The following CEP128 variants were observed in gnomAD, a reference collection of about 807,000 sequenced individuals.
CEP128 encodes the protein centrosomal protein 128, also known as centrosomal protein 128kDa.
In CEP128, 132 loss-of-function variants were observed where a neutral mutation model predicts 156.7. The observed-to-expected ratio is 0.84, with a 90% CI of 0.73 to 0.97. CEP128 has a LOEUF of 0.97. Among genes scored for constraint, CEP128 ranks in the 50% least tolerant of loss-of-function variants. CEP128 has a pLI of 0.00. For synonymous variants in CEP128, 469 were observed against 448.9 expected, an observed-to-expected ratio of 1.04 and a Z score of -0.57; for missense variants, 1,252 against 1,281.9, an observed-to-expected ratio of 0.98 and a Z score of 0.36.
intron 8 of CEP128, among the ~76,000 whole-genome samples, chr14:80,877,540 G>GCA (rs1888340045): frequency 6.6e-6 from 1 of 152,048 alleles, no homozygotes; most frequent in Non-Finnish European, 1.5e-5. Flanking sequence ...ACAAGAAAAG[G>GCA]CACACACACA....
At chr14:80,590,441 AG>A (rs551146034) in intron 19 of CEP128, among the ~76,000 whole-genome samples, 159 of 152,256 alleles carry the variant, frequency 1.0e-3, no homozygotes, top group African/African-American at 3.6e-3. Flanking sequence ...CCATTAAAAA[AG>A]TCACATTTTT....
At position 80,646,406 on chromosome 14, in the gene CEP128, T is replaced by C. The variant is rs77226834; in HGVS notation, c.2807-65983A>G. Among the ~76,000 whole-genome samples, 664 of 151,966 alleles carry C rather than the reference T, an allele frequency of 4.4e-3. 14 individuals carry two copies. The highest frequency in any genetic ancestry group is 0.032 in the East Asian group (166 of 5,156). On this transcript the variant is annotated intron_variant, in intron 19 of 24. Transcript: ENST00000555265. ...GTGGAACAACTTGGGAGAAAATGTA[T>C]GCTAGGGAAATACAAAGCTATAAAC...
chr14:80,600,806 A>G (rs10144929), intron 19 of CEP128, among the ~76,000 whole-genome samples: 47,962 of 151,920 alleles, frequency 0.32, 8,785 homozygotes, highest in African/African-American at 0.49. Context: ...AGCAATAATT[A>G]TAAGTCTGAG....
intron 8 of CEP128, chr14:80,894,599 C>T (rs752334245): frequency 4.2e-6 from 2 of 475,332 alleles, no homozygotes; most frequent in African/African-American, 2.0e-5. Flanking sequence ...CATTGCCACA[C>T]ATTAATTGGA....
At chr14:80,534,776 G>T (rs1889404557) in intron 21 of CEP128, among the ~76,000 whole-genome samples, 1 of 124,280 alleles carries the variant, frequency 8.0e-6, no homozygotes, top group African/African-American at 3.2e-5. Flanking sequence ...AGTGAGCCCA[G>T]ATCACACCAC....
intron 19 of CEP128, among the ~76,000 whole-genome samples, chr14:80,738,169 G>T (rs190269706): frequency 2.9e-4 from 44 of 152,192 alleles, no homozygotes; most frequent in African/African-American, 1.0e-3. Context: ...TGGATGACTA[G>T]AAAAGTAAAC....
intron 14 of CEP128, among the ~76,000 whole-genome samples, chr14:80,788,582 T>TAA (rs1901542756): frequency 6.6e-6 from 1 of 152,036 alleles, no homozygotes; most frequent in Non-Finnish European, 1.5e-5. Context: ...ATCCTAAAGT[T>TAA]TTCCTACCAG....
At chr14:80,879,832 TG>T (rs1238117491) in intron 8 of CEP128, among the ~76,000 whole-genome samples, 1 of 111,580 alleles carries the variant, frequency 9.0e-6, no homozygotes, top group Non-Finnish European at 1.9e-5. Context: ...GAAGCTCAAA[TG>T]TTCCCAGATT....
At chr14:80,641,951 G>C (rs149050365) in intron 19 of CEP128, among the ~76,000 whole-genome samples, 1 of 151,822 alleles carries the variant, frequency 6.6e-6, no homozygotes, top group Admixed American at 6.6e-5. Flanking sequence ...TTAGCTGGGC[G>C]TGGTGGCGGG....
chr14:80,881,242 A>G (rs1440917429), intron 8 of CEP128, among the ~76,000 whole-genome samples: 2 of 152,168 alleles, frequency 1.3e-5, no homozygotes, highest in Non-Finnish European at 2.9e-5. Flanking sequence ...TGGAGACATT[A>G]CAACTGCTAC....
chr14:80,935,979 C>T (rs990474063), intron 2 of CEP128, among the ~76,000 whole-genome samples: 1 of 152,184 alleles, frequency 6.6e-6, no homozygotes, highest in Non-Finnish European at 1.5e-5. Flanking sequence ...TACACACAGA[C>T]ATCTCTATTC....
At chr14:80,867,284 T>G (rs1189347729) in intron 8 of CEP128, among the ~76,000 whole-genome samples, 1 of 152,086 alleles carries the variant, frequency 6.6e-6, no homozygotes, top group Non-Finnish European at 1.5e-5. Context: ...AAGGGATGAT[T>G]CATGTGCCAA....
chr14:80,672,108 T>C lies in CEP128; in HGVS notation c.2806+70967A>G, dbSNP rs146694977. ...TTACAGGTTTCTAGGCCTATTTTTC[T>C]TGCAATATCAATAGGACATAAAAGC... On this transcript the variant is annotated intron_variant, in intron 19 of 24. Coordinates refer to ENST00000555265, the MANE Select transcript of CEP128 (RefSeq NM_152446.5). 7.0e-3 allele frequency among the ~76,000 whole-genome samples: 1,063 copies of C among 152,212 alleles called. 11 individuals carry two copies. The highest frequency in any genetic ancestry group is 0.024 in the African/African-American group (1,006 of 41,520).
intron 21 of CEP128, among the ~76,000 whole-genome samples, chr14:80,533,898 C>A (rs541102242): frequency 6.6e-6 from 1 of 152,082 alleles, no homozygotes; most frequent in Non-Finnish European, 1.5e-5. Context: ...AGATGGCATA[C>A]GTCCTGTTCT....
chr14:80,522,577 GCCTTCT>G (rs1888793247), intron 23 of CEP128, among the ~76,000 whole-genome samples: 1 of 152,172 alleles, frequency 6.6e-6, no homozygotes, highest in African/African-American at 2.4e-5. Flanking sequence ...GAATAAACAT[GCCTTCT>G]GCAATTTTAC....
At chr14:80,823,484 A>C (rs575847667) in intron 13 of CEP128, among the ~76,000 whole-genome samples, 7 of 152,326 alleles carry the variant, frequency 4.6e-5, no homozygotes, top group African/African-American at 1.7e-4. Context: ...TTGGCAGTCC[A>C]CTGAAGAAGG....
At chr14:80,557,819 T>A (rs1431701169) in intron 21 of CEP128, among the ~76,000 whole-genome samples, 1 of 152,110 alleles carries the variant, frequency 6.6e-6, no homozygotes, top group Non-Finnish European at 1.5e-5. Flanking sequence ...ATCTAAAGAT[T>A]TTTTTCCTGC....
At chr14:80,506,847 A>G (rs73339001) in intron 23 of CEP128, among the ~76,000 whole-genome samples, 4,156 of 152,164 alleles carry the variant, frequency 0.027, 182 homozygotes, top group African/African-American at 0.095. Flanking sequence ...AAGGGAGATG[A>G]TATAGTTAGG....
At chr14:80,810,323 C>CAAAAAAAAAAA (rs71103883) in intron 13 of CEP128, among the ~76,000 whole-genome samples, 271 of 15,202 alleles carry the variant, frequency 0.018, 68 homozygotes, top group Non-Finnish European at 0.029. Context: ...ACTCCATCTC[C>CAAAAAAAAAAA]AAAAAAAAAA....
Sources: allele counts gnomAD v4.1 joint callset (sites outside exome capture counted in the v4.1 genomes callset), GRCh38; gene constraint gnomAD v4.1.1; transcripts MANE v1.5; gene names NCBI Gene and HGNC (gene_info 2026-07-23, HGNC 2026-07-21).